EEF1D: variants seen among roughly 807,000 people sequenced by gnomAD.
EEF1D encodes elongation factor 1-delta.
Under a neutral mutation model 63.9 loss-of-function variants are expected in EEF1D, and 47 were observed. The observed-to-expected ratio is 0.74, with a 90% confidence interval of 0.58 to 0.94. EEF1D has a LOEUF of 0.94. Ranked by LOEUF, EEF1D falls within the 40% of genes least tolerant of loss-of-function variation. The pLI is 0.00. For missense variants in EEF1D, 907 were observed against 899.0 expected, an observed-to-expected ratio of 1.01 and a Z score of -0.11; for synonymous variants, 412 against 386.1, an observed-to-expected ratio of 1.07 and a Z score of -0.79.
At chr8:143,588,625 C>T (rs879279203) in intron 3 of EEF1D, among the ~76,000 whole-genome samples, 3 of 152,204 alleles carry the variant, frequency 2.0e-5, no homozygotes, top group Non-Finnish European at 4.4e-5. Context: ...AGCTTCAATG[C>T]TTCCCGCCCC....
rs551982323 is a variant in EEF1D, at chr8:143,586,191, C to T, written c.1287+28G>A. 2.7e-5 allele frequency: 43 copies of T among 1,589,156 alleles called. No individual in the cohort carries two copies. In the South Asian group the frequency reaches 3.0e-4, roughly 11 times the overall value. On this transcript the variant is annotated intron_variant, in intron 5 of 9. Coordinates refer to ENST00000618139, the MANE Select transcript of EEF1D (RefSeq NM_001130053.5). ...CATGCTGCTTGGCCGAGCAGGAGCC[C>T]GCAGGTCCGTGGGCCGCGGGTACTC...
intron 3 of EEF1D, 136 bp downstream of exon 3, chr8:143,588,855 C>T (rs1827233454): frequency 1.4e-5 from 17 of 1,214,554 alleles, no homozygotes; most frequent in Non-Finnish European, 1.4e-5. Context: ...CTGCATTCAA[C>T]TCTGCTGGGC....
Position 143,589,589 on chromosome 8 carries a change from C to T in EEF1D, c.493G>A (p.Val165Ile), listed in dbSNP as rs1190607913. ...ACHHVTWGIW[V>I]NKSSFDQAER... The stretch of plus-strand genomic sequence containing the variant: ...GCCTGGTCGAAGGAGGACTTGTTGA[C>T]CCAGATCCCCCAGGTCACGTGGTGG... The change falls in exon 3 of 10, where the codon GTC becomes ATC. Residue 165 changes from valine to isoleucine, a missense_variant. Val to Ile is a conservative substitution (Grantham distance 29). Transcript: ENST00000618139. The T allele has an allele frequency of 2.0e-6, 3 of 1,521,742 alleles. No homozygotes were observed. The East Asian group carries it at 6.9e-5, about 35-fold the overall frequency. The allele number at this position is 1,521,742 out of a possible 1,614,324, so 94.3% of individuals were successfully genotyped here.
intron 5 of EEF1D, among the ~76,000 whole-genome samples, chr8:143,585,593 G>A (rs925083738): frequency 1.3e-5 from 2 of 152,166 alleles, no homozygotes; most frequent in Non-Finnish European, 2.9e-5. Flanking sequence ...ACCCCGTCCC[G>A]GGGAGAACGC....
At chr8:143,581,411 C>T (rs1004423622) in intron 5 of EEF1D, 83 bp from the exon 6 acceptor site, 15 of 1,290,632 alleles carry the variant, frequency 1.2e-5, no homozygotes, top group East Asian at 5.0e-5. Context: ...CAGGAACTCA[C>T]GGAAGGAAAA....
chr8:143,588,047 T>C (rs1422214983), intron 3 of EEF1D, among the ~76,000 whole-genome samples: 1 of 152,142 alleles, frequency 6.6e-6, no homozygotes, highest in Non-Finnish European at 1.5e-5. Flanking sequence ...GTCCTCTGCG[T>C]CCCTGACCCA....
intron 9 of EEF1D, 61 bp from the exon 10 acceptor site, chr8:143,579,891 A>G (rs1343535847): frequency 6.5e-7 from 1 of 1,538,410 alleles, no homozygotes; most frequent in Admixed American, 2.0e-5. Flanking sequence ...CGGAGCCAGG[A>G]GCCTCCTCTG....
chr8:143,586,586 C>G (rs58477175), intron 4 of EEF1D, 143 bp downstream of exon 4: 2 of 1,264,538 alleles, frequency 1.6e-6, no homozygotes, highest in Non-Finnish European at 2.1e-6. Flanking sequence ...CCGCCTGCCC[C>G]GAGACCCCAC....
chr8:143,586,900 G>C (rs889698408), intron 3 of EEF1D, 48 bp from the exon 4 acceptor site: 2 of 1,607,370 alleles, frequency 1.2e-6, no homozygotes, highest in African/African-American at 1.3e-5. Context: ...AGTGGGCCTC[G>C]GCATCAGGAC....
intron 2 of EEF1D, among the ~76,000 whole-genome samples, chr8:143,591,150 G>A (rs1289318336): frequency 6.6e-6 from 1 of 152,234 alleles, no homozygotes; most frequent in African/African-American, 2.4e-5. Context: ...GGAATCATGG[G>A]GCTCTCACAG....
intron 4 of EEF1D, 27 bp from the exon 5 acceptor site, chr8:143,586,317 CTTT>C (rs766031138): frequency 1.8e-5 from 27 of 1,500,970 alleles, no homozygotes; most frequent in Non-Finnish European, 2.3e-5. Flanking sequence ...AAGAACCAGT[CTTT>C]TTTTTATTAT....
chr8:143,580,964 C>T (rs2130784545), intron 7 of EEF1D, 90 bp downstream of exon 7: 1 of 1,421,354 alleles, frequency 7.0e-7, no homozygotes. Context: ...GCCAGCTCAT[C>T]ACTGCTGCTG....
At chr8:143,592,845 A>C in intron 1 of EEF1D, 185 bp from the exon 2 acceptor site, 2 of 244,808 alleles carry the variant, frequency 8.2e-6, no homozygotes, top group African/African-American at 2.3e-5. Context: ...CGCCACCACA[A>C]TCCCAGGTGG....
intron 5 of EEF1D, chr8:143,581,584 C>T (rs939720973): frequency 9.0e-6 from 5 of 558,206 alleles, no homozygotes; most frequent in Non-Finnish European, 1.3e-5. Context: ...GGGAGCTGGG[C>T]CATGGCTGCT....
At position 143,586,722 on chromosome 8, in the gene EEF1D, C is replaced by T. The variant is rs770168964; in HGVS notation, c.1215+7G>A. ...AGCCGCCCAGCCGCCCCACGTGCAG[C>T]TCTCACCTGGCGGGAGGCACCTGCC... On this transcript the variant is annotated splice_region_variant and intron_variant, in intron 4 of 9. Coordinates refer to ENST00000618139, the MANE Select transcript of EEF1D (RefSeq NM_001130053.5). 4 of 1,612,584 alleles carry T rather than the reference C, an allele frequency of 2.5e-6. No individual in the cohort carries two copies. The Admixed American group carries it at 5.0e-5, about 20-fold the overall frequency.
At position 143,580,520 on chromosome 8, in the gene EEF1D, G is replaced by A; in HGVS notation, c.1696C>T (p.Leu566=). 1 of 1,612,482 alleles carries A rather than the reference G, an allele frequency of 6.2e-7. No homozygotes were observed. Among genetic ancestry groups the A allele is most frequent in the Non-Finnish European group, 8.5e-7 (1 of 1,179,678 alleles). Residue 566 remains leucine, a synonymous_variant, in exon 8 of 10, where the codon CTG becomes TTG. Coordinates refer to ENST00000618139, the MANE Select transcript of EEF1D (RefSeq NM_001130053.5). The stretch of plus-strand genomic sequence containing the variant: ...CGCCCACTCACAGGCTTGACATCCA[G>A]CAGGATGGAGGACTTGGCCACCAGT... The part of the protein sequence containing the change: ...PALVAKSSIL[L]DVKPWDDETD...
chr8:143,592,092 G>C, intron 2 of EEF1D: 1 of 985,572 alleles, frequency 1.0e-6, no homozygotes. Context: ...CACTTACCAA[G>C]GCCAGGCTGA....
At position 143,580,164 on chromosome 8, in the gene EEF1D, G is replaced by A. The variant is rs780189803; in HGVS notation, c.1753C>T (p.Arg585Cys). Residue 585 changes from arginine (R) to cysteine (C), a missense_variant, in exon 9 of 10, where the codon CGC (arginine) becomes TGC (cysteine). Physicochemically the swap from Arg to Cys is radical, Grantham distance 180 (BLOSUM62 -3). Coordinates refer to ENST00000618139, the MANE Select transcript of EEF1D (RefSeq NM_001130053.5). Reference sequence around the variant, plus strand: ...ACCAGCCCGTCCAGCTGGATAGAGCGCACACAGGCCTCCAGCTGGGCCATG... The same window carrying A: ...ACCAGCCCGTCCAGCTGGATAGAGCACACACAGGCCTCCAGCTGGGCCATG... Reference protein sequence around the residue: ...TDMAQLEACVRSIQLDGLVWG... With the variant: ...TDMAQLEACVCSIQLDGLVWG... The A allele has an allele frequency of 7.3e-5, 117 of 1,613,600 alleles. No individual in the cohort carries two copies. The highest frequency in any genetic ancestry group is 9.4e-5 in the Non-Finnish European group (111 of 1,180,004).
intron 2 of EEF1D, among the ~76,000 whole-genome samples, chr8:143,591,226 T>A (rs1827899598): frequency 6.6e-6 from 1 of 152,216 alleles, no homozygotes; most frequent in South Asian, 2.1e-4. Context: ...ACCATCTTGG[T>A]GGGAGGCAGG....
Sources: gnomAD v4.1 joint callset for allele counts (sites outside exome capture counted in the v4.1 genomes callset) on GRCh38, gnomAD v4.1.1 for gene constraint, MANE v1.5 for transcripts, NCBI Gene and HGNC (gene_info 2026-07-23, HGNC 2026-07-21) for gene names.